Variants in LHFPL2 observed in about 807,000 individuals in gnomAD.
The protein encoded by LHFPL2 is LHFPL tetraspan subfamily member 2 protein.
A neutral mutation model predicts 17.5 loss-of-function variants in LHFPL2; 7 were observed. That is an observed-to-expected ratio of 0.40 (90% CI 0.23 to 0.75). The LOEUF (loss-of-function observed/expected upper bound fraction) is 0.75. Ranked by LOEUF, LHFPL2 falls within the 30% of genes least tolerant of loss-of-function variation. LHFPL2 has a pLI of 0.37. For synonymous variants in LHFPL2, 134 were observed against 116.2 expected, an observed-to-expected ratio of 1.15 and a Z score of -0.99; for missense variants, 241 against 294.8, an observed-to-expected ratio of 0.82 and a Z score of 1.34.
intron 2 of LHFPL2, among the ~76,000 whole-genome samples, chr5:78,570,087 C>T (rs1756956484): frequency 6.6e-6 from 1 of 152,166 alleles, no homozygotes; most frequent in African/African-American, 2.4e-5. Context: ...AGTTATAAAT[C>T]TATGGGACAA....
Position 78,550,186 on chromosome 5 carries a change from A to G in LHFPL2, c.-186+14627T>C, listed in dbSNP as rs111414558. Among the ~76,000 whole-genome samples, 3 of 152,212 alleles carry G rather than the reference A, an allele frequency of 2.0e-5. No homozygotes were observed. In the East Asian group the frequency reaches 5.8e-4, roughly 29 times the overall value. On this transcript the variant is annotated intron_variant, in intron 3 of 4. Transcript: ENST00000380345. ...CTTCTTACCTGCCTGTTGGCCACCAATCTGGAGCCTCCCATACAATTTTCT... is the reference window on the plus strand; with the variant it reads ...CTTCTTACCTGCCTGTTGGCCACCAGTCTGGAGCCTCCCATACAATTTTCT...
At chr5:78,530,862 C>T (rs547295513) in intron 3 of LHFPL2, among the ~76,000 whole-genome samples, 5 of 152,206 alleles carry the variant, frequency 3.3e-5, no homozygotes, top group Admixed American at 6.5e-5. Flanking sequence ...GCCTTGACAA[C>T]GGTGTCCCTT....
chr5:78,597,174 C>T (rs929900142), intron 2 of LHFPL2, among the ~76,000 whole-genome samples: 2 of 152,254 alleles, frequency 1.3e-5, no homozygotes, highest in Non-Finnish European at 2.9e-5. Flanking sequence ...AGCCCACGAG[C>T]GAGGCGCCAA....
intron 3 of LHFPL2, among the ~76,000 whole-genome samples, chr5:78,562,602 T>C (rs1474776197): frequency 4.9e-5 from 7 of 144,300 alleles, no homozygotes; most frequent in Non-Finnish European, 1.0e-4. Context: ...GTCACTGCAC[T>C]CCAGCCTGAG....
rs373030620 is a variant in LHFPL2 at position 78,639,591 on chromosome 5, T to C, written c.-349-7223A>G. 1.1e-3 allele frequency among the ~76,000 whole-genome samples: 166 copies of C among 152,226 alleles called. 1 individual carries two copies. The highest frequency in any genetic ancestry group is 3.9e-3 in the African/African-American group (162 of 41,522). ...GAGTATCTGTTTAGACATACCTCTC[T>C]AGAATGTAGAATCATCTTCTAAGAA... On this transcript the variant is annotated intron_variant, in intron 1 of 4. Coordinates refer to ENST00000380345, the MANE Select transcript of LHFPL2 (RefSeq NM_005779.3).
chr5:78,644,826 C>T (rs181694954), intron 1 of LHFPL2: 10 of 214,350 alleles, frequency 4.7e-5, no homozygotes, highest in Admixed American at 3.1e-4. Flanking sequence ...TCTCAGCTTC[C>T]TTGGATCTCC....
Position 78,488,021 on chromosome 5 carries a change from C to T in LHFPL2, c.*876G>A, listed in dbSNP as rs1015100824. 1.2e-5 allele frequency: 1 copy of T among 81,098 alleles called. No individual in the cohort carries two copies. Among genetic ancestry groups the T allele is most frequent in the Non-Finnish European group, 2.8e-5 (1 of 35,432 alleles). 5.0% of individuals were successfully genotyped at this position (81,098 alleles called of 1,614,324 possible). ...CAGTGAACATCTGCATAAGCCACAG[C>T]TAGCTTGGAGACCTCAGTCCCTGGA... On this transcript the variant is annotated 3_prime_UTR_variant, in exon 5 of 5. Coordinates refer to ENST00000380345, the MANE Select transcript of LHFPL2 (RefSeq NM_005779.3).
At chr5:78,571,229 T>A (rs1368756952) in intron 2 of LHFPL2, among the ~76,000 whole-genome samples, 1 of 152,194 alleles carries the variant, frequency 6.6e-6, no homozygotes, top group Admixed American at 6.5e-5. Flanking sequence ...TCTCCTTTTT[T>A]TGGCCTGTGT....
chr5:78,504,219 A>G (rs867760390), intron 4 of LHFPL2, among the ~76,000 whole-genome samples: 1 of 152,284 alleles, frequency 6.6e-6, no homozygotes, highest in Middle Eastern at 3.4e-3. Context: ...CCAGGAACAA[A>G]AGGAAGGGCT....
At chr5:78,497,723 G>A (rs1347933021) in intron 4 of LHFPL2, among the ~76,000 whole-genome samples, 3 of 152,216 alleles carry the variant, frequency 2.0e-5, no homozygotes, top group Non-Finnish European at 4.4e-5. Flanking sequence ...CCAACAGAAC[G>A]CCAGCTACAC....
At chr5:78,500,538 T>G (rs1754742894) in intron 4 of LHFPL2, among the ~76,000 whole-genome samples, 3 of 152,158 alleles carry the variant, frequency 2.0e-5, no homozygotes. Context: ...GAGTTCTGGT[T>G]CTGTACCCTA....
chr5:78,489,645 A>C (rs372965189), intron 4 of LHFPL2, among the ~76,000 whole-genome samples: 1 of 152,064 alleles, frequency 6.6e-6, no homozygotes, highest in African/African-American at 2.4e-5. Context: ...TGATCCTCCC[A>C]CCTCGGCCTC....
chr5:78,565,911 A>G (rs1580812307), intron 2 of LHFPL2, among the ~76,000 whole-genome samples: 1 of 152,362 alleles, frequency 6.6e-6, no homozygotes, highest in South Asian at 2.1e-4. Flanking sequence ...CTAGCCAGTT[A>G]GCTTTTTCTT....
intron 3 of LHFPL2, among the ~76,000 whole-genome samples, chr5:78,522,499 T>C (rs2112344158): frequency 6.6e-6 from 1 of 152,290 alleles, no homozygotes; most frequent in South Asian, 2.1e-4. Context: ...AACCAAAGAA[T>C]TCACGTTAAT....
chr5:78,599,755 G>A (rs1743947202), intron 2 of LHFPL2, among the ~76,000 whole-genome samples: 1 of 152,174 alleles, frequency 6.6e-6, no homozygotes, highest in Non-Finnish European at 1.5e-5. Context: ...ACTTAGTACA[G>A]ATAATGGCAG....
intron 2 of LHFPL2, among the ~76,000 whole-genome samples, chr5:78,589,858 G>A (rs1254692841): frequency 1.3e-5 from 2 of 152,184 alleles, no homozygotes; most frequent in Non-Finnish European, 2.9e-5. Context: ...ATGCATGAAT[G>A]GTGGCCATCC....
chr5:78,619,325 C>G (rs540846085), intron 2 of LHFPL2, among the ~76,000 whole-genome samples: 3 of 151,990 alleles, frequency 2.0e-5, no homozygotes, highest in Non-Finnish European at 2.9e-5. Flanking sequence ...ATGGTGCTGG[C>G]CCCAATCACT....
intron 2 of LHFPL2, among the ~76,000 whole-genome samples, chr5:78,603,993 C>T (rs752899700): frequency 6.6e-5 from 10 of 151,794 alleles, no homozygotes; most frequent in Non-Finnish European, 1.0e-4. Flanking sequence ...CTGGGCAACA[C>T]GGCAAGACCC....
intron 1 of LHFPL2, among the ~76,000 whole-genome samples, chr5:78,643,567 C>A (rs1166417824): frequency 6.6e-6 from 1 of 151,860 alleles, no homozygotes; most frequent in African/African-American, 2.4e-5. Flanking sequence ...AAAACAGCCA[C>A]AACTTTTTTT....
Sources: gnomAD v4.1 joint callset for allele counts (sites outside exome capture counted in the v4.1 genomes callset) on GRCh38, gnomAD v4.1.1 for gene constraint, MANE v1.5 for transcripts, NCBI Gene and HGNC (gene_info 2026-07-23, HGNC 2026-07-21) for gene names.